Variants in GRM5 observed in about 807,000 individuals in gnomAD.
The protein encoded by GRM5 is glutamate metabotropic receptor 5, also known as metabotropic glutamate receptor 5.
GRM5 carries 19 observed loss-of-function variants against 83.1 expected under a neutral mutation model. That is an observed-to-expected ratio of 0.23 (90% confidence interval 0.16 to 0.34). The LOEUF (loss-of-function observed/expected upper bound fraction) is 0.34, where lower values mean the gene tolerates loss of function less well. GRM5 is among the 10% of genes least tolerant of loss of function. GRM5 has a pLI of 1.00. For synonymous variants in GRM5, 675 were observed against 633.6 expected (o/e 1.07, Z -0.98); for missense variants, 1,160 against 1,588.3 (o/e 0.73, Z 4.58).
chr11:88,525,521 C>T (rs4753486), intron 8 of GRM5, 117 bp from the exon 9 acceptor site: 290,491 of 665,900 alleles, frequency 0.44, 67,243 homozygotes, highest in Non-Finnish European at 0.48. Context: ...AATGGGGGTT[C>T]CTGCTTCTCA....
intron 2 of GRM5, among the ~76,000 whole-genome samples, chr11:88,910,642 A>G (rs1945480677): frequency 6.6e-6 from 1 of 152,138 alleles, no homozygotes; most frequent in Admixed American, 6.6e-5. Flanking sequence ...TGTTTAGACT[A>G]TATATGTCTA....
chr11:88,509,202 A>G lies in GRM5; in HGVS notation c.3029T>C (p.Phe1010Ser). The change falls in exon 10 of 10, where the codon TTC becomes TCC. Residue 1010 changes from phenylalanine to serine, a missense_variant. This residue lies in a region of GRM5 where 562 missense variants were observed against 532.4 expected (regional missense o/e 1.06). Coordinates refer to ENST00000305447, the MANE Select transcript of GRM5 (RefSeq NM_001143831.3). ...TGAGCGCGGCCGCGCGGGCGCCGGG[A>G]AGTGCTCCTCAGCCTCGGCCACATC... ...LYDVAEAEEH[F>S]PAPARPRSPS... 1 of 1,534,268 alleles carries G rather than the reference A, an allele frequency of 6.5e-7. No homozygotes were observed. Among genetic ancestry groups the G allele is most frequent in the African/African-American group, 1.4e-5 (1 of 71,124 alleles).
At chr11:89,063,990 C>G (rs910019353) in intron 1 of GRM5, among the ~76,000 whole-genome samples, 1 of 152,164 alleles carries the variant, frequency 6.6e-6, no homozygotes, top group Admixed American at 6.5e-5. Flanking sequence ...GAAAGGGCAC[C>G]TGTGCCTTCC....
intron 7 of GRM5, among the ~76,000 whole-genome samples, chr11:88,571,895 A>G (rs1943011351): frequency 6.6e-6 from 1 of 152,204 alleles, no homozygotes; most frequent in South Asian, 2.1e-4. Context: ...AGACTATCAC[A>G]AGGAGACAGG....
intron 3 of GRM5, among the ~76,000 whole-genome samples, chr11:88,804,457 A>G (rs549669953): frequency 5.3e-5 from 8 of 151,192 alleles, no homozygotes; most frequent in Admixed American, 6.6e-5. Flanking sequence ...AACACCGCAT[A>G]TTCTCACTCA....
At chr11:88,891,812 A>G (rs1181112528) in intron 2 of GRM5, among the ~76,000 whole-genome samples, 3 of 152,080 alleles carry the variant, frequency 2.0e-5, no homozygotes, top group African/African-American at 7.2e-5. Context: ...AATAGCTTTG[A>G]AGATTGTAAC....
chr11:89,034,845 CT>C (rs557239573), intron 2 of GRM5, among the ~76,000 whole-genome samples: 390 of 133,486 alleles, frequency 2.9e-3, no homozygotes, highest in African/African-American at 6.2e-3. Flanking sequence ...CCCTCAAATC[CT>C]TTTTTTTTTT....
intron 3 of GRM5, among the ~76,000 whole-genome samples, chr11:88,743,112 C>G (rs1942061842): frequency 6.6e-6 from 1 of 152,126 alleles, no homozygotes; most frequent in Non-Finnish European, 1.5e-5. Context: ...CCATTTAGCC[C>G]TGTTTTATAG....
At chr11:88,805,801 T>G (rs894000631) in intron 3 of GRM5, among the ~76,000 whole-genome samples, 1 of 152,204 alleles carries the variant, frequency 6.6e-6, no homozygotes, top group Non-Finnish European at 1.5e-5. Flanking sequence ...ATCAATCTCA[T>G]GAATAAATAT....
At chr11:88,822,254 A>G (rs768316753) in intron 3 of GRM5, among the ~76,000 whole-genome samples, 42 of 152,168 alleles carry the variant, frequency 2.8e-4, no homozygotes, top group Non-Finnish European at 5.6e-4. Context: ...TTTGATATTG[A>G]CCTATTGTGT....
At chr11:88,843,756 G>A (rs941962689) in intron 3 of GRM5, among the ~76,000 whole-genome samples, 15 of 152,194 alleles carry the variant, frequency 9.9e-5, no homozygotes, top group Non-Finnish European at 1.9e-4. Flanking sequence ...TGAATATAGA[G>A]AAATGATAAG....
At chr11:88,694,275 T>G (rs924133052) in intron 3 of GRM5, among the ~76,000 whole-genome samples, 8 of 152,188 alleles carry the variant, frequency 5.3e-5, no homozygotes, top group African/African-American at 1.7e-4. Flanking sequence ...GTATTGTGTT[T>G]TTCTTGAAGT....
intron 2 of GRM5, among the ~76,000 whole-genome samples, chr11:88,877,295 A>G (rs902488331): frequency 3.3e-5 from 5 of 152,148 alleles, no homozygotes; most frequent in African/African-American, 9.7e-5. Context: ...ATCATTAGAC[A>G]TTAGAAGAAT....
At chr11:88,689,380 G>A (rs1162015734) in intron 3 of GRM5, among the ~76,000 whole-genome samples, 1 of 152,114 alleles carries the variant, frequency 6.6e-6, no homozygotes, top group East Asian at 1.9e-4. Flanking sequence ...TAGTTTTGAG[G>A]TGTGAAGACT....
At chr11:88,922,283 C>T (rs2135630705) in intron 2 of GRM5, among the ~76,000 whole-genome samples, 1 of 152,146 alleles carries the variant, frequency 6.6e-6, no homozygotes, top group African/African-American at 2.4e-5. Context: ...CAACGCTATC[C>T]TGAGCAAAAG....
intron 3 of GRM5, among the ~76,000 whole-genome samples, chr11:88,839,397 C>T (rs865787854): frequency 1.4e-4 from 22 of 152,012 alleles, no homozygotes; most frequent in African/African-American, 4.1e-4. Flanking sequence ...GGTTTTAGTA[C>T]ATGGATAGGT....
At chr11:88,679,911 C>T (rs1244761742) in intron 3 of GRM5, among the ~76,000 whole-genome samples, 1 of 140,224 alleles carries the variant, frequency 7.1e-6, no homozygotes. Context: ...CCTCATTCTT[C>T]ATCTTCTTAA....
intron 3 of GRM5, among the ~76,000 whole-genome samples, chr11:88,742,747 T>C (rs1269617294): frequency 1.3e-5 from 2 of 152,136 alleles, no homozygotes; most frequent in Non-Finnish European, 2.9e-5. Flanking sequence ...CCTCAGGCTT[T>C]CTATTTGAGA....
At chr11:88,888,406 T>C (rs1012759449) in intron 2 of GRM5, among the ~76,000 whole-genome samples, 20 of 152,208 alleles carry the variant, frequency 1.3e-4, no homozygotes, top group Middle Eastern at 3.4e-3. Flanking sequence ...GGAAACACCA[T>C]TCCCAGCAGG....
Sources: gnomAD v4.1 joint callset for allele counts (sites outside exome capture counted in the v4.1 genomes callset) on GRCh38, gnomAD v4.1.1 for gene constraint, gnomAD v4.1.1 regional missense constraint, MANE v1.5 for transcripts, NCBI Gene and HGNC (gene_info 2026-07-23, HGNC 2026-07-21) for gene names.